Variants in METTL15 observed in about 807,000 individuals in gnomAD.
The protein encoded by METTL15 is methyltransferase 15, mitochondrial 12S rRNA N4-cytidine, also known as 12S rRNA N(4)-cytidine methyltransferase METTL15.
A neutral mutation model predicts 38.3 loss-of-function variants in METTL15; 34 were observed. The ratio of observed to expected loss-of-function variants is 0.89; its 90% CI spans 0.68 to 1.18. The LOEUF is 1.18. METTL15 is among the 50% of genes most tolerant of loss of function. The pLI is 0.00. For synonymous variants in METTL15, 162 were observed against 170.9 expected (o/e 0.95, Z 0.41); for missense variants, 438 against 498.4 (o/e 0.88, Z 1.15).
intron 3 of METTL15, among the ~76,000 whole-genome samples, chr11:28,136,403 C>T (rs1270131999): frequency 6.6e-6 from 1 of 152,122 alleles, no homozygotes; most frequent in African/African-American, 2.4e-5. Context: ...TTTGCTTCTC[C>T]TTTGCCTTCT....
At chr11:28,345,739 C>A (rs889543356) in intron 3 of METTL15, among the ~76,000 whole-genome samples, 1 of 152,104 alleles carries the variant, frequency 6.6e-6, no homozygotes, top group Non-Finnish European at 1.5e-5. Context: ...CCAAAACAGA[C>A]CTTTGTACCT....
At chr11:28,478,071 C>T (rs1851362217) in intron 6 of METTL15, among the ~76,000 whole-genome samples, 1 of 152,000 alleles carries the variant, frequency 6.6e-6, no homozygotes, top group African/African-American at 2.4e-5. Context: ...TCTCTTATAC[C>T]CCAGCTATAA....
intron 5 of METTL15, among the ~76,000 whole-genome samples, chr11:28,391,750 C>T (rs1329809318): frequency 6.6e-6 from 1 of 152,142 alleles, no homozygotes; most frequent in Non-Finnish European, 1.5e-5. Context: ...GCTGGGAAAA[C>T]TGGCTAGCCA....
chr11:28,304,870 T>C (rs1488513153), intron 6 of METTL15, among the ~76,000 whole-genome samples: 2 of 152,218 alleles, frequency 1.3e-5, no homozygotes, highest in Admixed American at 6.6e-5. Flanking sequence ...AAATACTCTT[T>C]ATACTAACAT....
intron 5 of METTL15, among the ~76,000 whole-genome samples, chr11:28,371,641 C>T (rs1255390989): frequency 6.6e-6 from 1 of 151,794 alleles, no homozygotes; most frequent in African/African-American, 2.4e-5. Flanking sequence ...AATATTTTTC[C>T]ATTTTATTGT....
intron 6 of METTL15, among the ~76,000 whole-genome samples, chr11:28,314,925 A>T (rs913479077): frequency 1.3e-5 from 2 of 152,188 alleles, no homozygotes; most frequent in African/African-American, 4.8e-5. Flanking sequence ...CTTGCTCCTC[A>T]TTGCCTTCTA....
intron 4 of METTL15, 133 bp downstream of exon 4, chr11:28,211,331 A>G (rs1565170154): frequency 1.4e-6 from 1 of 713,660 alleles, no homozygotes; most frequent in East Asian, 3.1e-5. Flanking sequence ...TTTTTTCCCC[A>G]AAAAGAATTA....
At chr11:28,168,994 A>G (rs140154253) in intron 3 of METTL15, among the ~76,000 whole-genome samples, 1 of 152,300 alleles carries the variant, frequency 6.6e-6, no homozygotes, top group African/African-American at 2.4e-5. Context: ...CCTGTAGGCA[A>G]CAGGGAATCA....
At chr11:28,518,416 T>C (rs1262433051) in intron 6 of METTL15, among the ~76,000 whole-genome samples, 4 of 152,192 alleles carry the variant, frequency 2.6e-5, no homozygotes, top group Non-Finnish European at 5.9e-5. Flanking sequence ...CACTCCTGGA[T>C]CCTCTGAAAA....
intron 1 of METTL15, among the ~76,000 whole-genome samples, chr11:28,109,899 C>A (rs1851645114): frequency 1.3e-5 from 2 of 152,278 alleles, no homozygotes; most frequent in East Asian, 3.9e-4. Flanking sequence ...ACATTACAAT[C>A]AATCCCACTA....
At chr11:28,469,833 C>T (rs1851288325) in intron 6 of METTL15, among the ~76,000 whole-genome samples, 1 of 151,952 alleles carries the variant, frequency 6.6e-6, no homozygotes, top group African/African-American at 2.4e-5. Flanking sequence ...GGGAATGTAA[C>T]ATAGGGATTT....
At position 28,195,122 on chromosome 11, in the gene METTL15, C is replaced by T. The variant is rs1851862753; in HGVS notation, c.271-15940C>T. Among the ~76,000 whole-genome samples the T allele has an allele frequency of 2.0e-5, 3 of 152,062 alleles. No homozygotes were observed. The South Asian group carries it at 6.2e-4, about 32-fold the overall frequency. On this transcript the variant is annotated intron_variant, in intron 3 of 6. Transcript: ENST00000407364. ...TGGTTGATGAGCATTTAGGTTGATT[C>T]CCTATCTTTGCAATTGCGAATTGTA... is the stretch of plus-strand genomic sequence containing the variant.
intron 5 of METTL15, among the ~76,000 whole-genome samples, chr11:28,385,691 T>C (rs1850432436): frequency 1.3e-5 from 2 of 152,172 alleles, no homozygotes. Flanking sequence ...AGAATGTTAC[T>C]GGTAGTTTGG....
chr11:28,395,550 A>G (rs1450063142), intron 5 of METTL15, among the ~76,000 whole-genome samples: 1 of 152,142 alleles, frequency 6.6e-6, no homozygotes, highest in African/African-American at 2.4e-5. Context: ...CCAAGACTAA[A>G]CCAGGAAGAA....
Position 28,183,098 on chromosome 11 carries a change from C to G in METTL15, c.271-27964C>G, listed in dbSNP as rs548188078. Among the ~76,000 whole-genome samples the G allele has an allele frequency of 1.6e-3, 240 of 152,030 alleles. 1 individual carries two copies. Among genetic ancestry groups the G allele is most frequent in the Non-Finnish European group, 2.7e-3 (186 of 68,024 alleles). On this transcript the variant is annotated intron_variant, in intron 3 of 6. Transcript: ENST00000407364. Reference sequence around the variant, plus strand: ...TATAGAAGTGCTTGTGATTTTTGCACATTGATTTTGTATCCTGAGACTTTG... The same window carrying G: ...TATAGAAGTGCTTGTGATTTTTGCAGATTGATTTTGTATCCTGAGACTTTG...
chr11:28,267,886 A>G (rs533362121), intron 4 of METTL15, among the ~76,000 whole-genome samples: 1 of 152,266 alleles, frequency 6.6e-6, no homozygotes, highest in Non-Finnish European at 1.5e-5. Context: ...ACACTTTTAT[A>G]TAAATGTCTA....
intron 3 of METTL15, among the ~76,000 whole-genome samples, chr11:28,139,657 A>G (rs1849629346): frequency 6.6e-6 from 1 of 152,138 alleles, no homozygotes; most frequent in Admixed American, 6.6e-5. Context: ...TAGTCATGCT[A>G]AGGTAAATCT....
At chr11:28,241,457 C>G (rs1854292602) in intron 4 of METTL15, among the ~76,000 whole-genome samples, 1 of 151,768 alleles carries the variant, frequency 6.6e-6, no homozygotes, top group Admixed American at 6.6e-5. Context: ...TGGCGTGAAC[C>G]CGGGAGGCGG....
chr11:28,211,201 A>G lies in METTL15; in HGVS notation c.407+3A>G. ...GAACATCTTTCAGAGTTGTATCCGT[A>G]AGTAATACCCTTGCATATTTATTTG... is the stretch of plus-strand genomic sequence containing the variant. On this transcript the variant is annotated splice_donor_region_variant and intron_variant, in intron 4 of 6. Coordinates refer to ENST00000407364, the MANE Select transcript of METTL15 (RefSeq NM_001113528.2). 1 of 1,605,016 alleles carries G rather than the reference A, an allele frequency of 6.2e-7. No individual in the cohort carries two copies. The highest frequency in any genetic ancestry group is 8.5e-7 in the Non-Finnish European group (1 of 1,176,616).
Sources: gnomAD v4.1 joint callset for allele counts (sites outside exome capture counted in the v4.1 genomes callset) on GRCh38, gnomAD v4.1.1 for gene constraint, MANE v1.5 for transcripts, NCBI Gene and HGNC (gene_info 2026-07-23, HGNC 2026-07-21) for gene names.